The following LCORL variants were observed in gnomAD, a reference collection of about 807,000 sequenced individuals.
The protein encoded by LCORL is ligand-dependent nuclear receptor corepressor-like protein.
LCORL carries 41 observed loss-of-function variants against 141.8 expected under a neutral mutation model. That is an observed-to-expected ratio of 0.29 (90% confidence interval 0.23 to 0.38). LCORL has a LOEUF of 0.38. Ranked by LOEUF, LCORL falls within the 10% of genes least tolerant of loss-of-function variation. The pLI, the probability that LCORL is intolerant of heterozygous loss-of-function variation, is 1.00. For synonymous variants in LCORL, 618 were observed against 694.1 expected, an observed-to-expected ratio of 0.89 and a Z score of 1.72; for missense variants, 1,759 against 2,035.0, an observed-to-expected ratio of 0.86 and a Z score of 2.61.
intron 4 of LCORL, chr4:17,912,343 C>T (rs1200451690): frequency 3.0e-6 from 2 of 671,908 alleles, no homozygotes; most frequent in Non-Finnish European, 5.6e-6. Context: ...CATGAAGAAC[C>T]ATGAAGAGGA....
At chr4:17,874,938 A>G (rs1726755419) in exon 7 of LCORL, 6 of 1,233,746 alleles carry the variant, frequency 4.9e-6, no homozygotes, top group African/African-American at 3.1e-5. Flanking sequence ...GTTTCTATAA[A>G]TAAGTGAGCT....
At chr4:17,885,293 A>C (rs745420729) in intron 6 of LCORL, among the ~76,000 whole-genome samples, 11 of 151,994 alleles carry the variant, frequency 7.2e-5, no homozygotes, top group Non-Finnish European at 1.5e-4. Context: ...AGTAGATGTT[A>C]TATTTGAATA....
At chr4:17,898,563 A>G (rs1306787372) in intron 5 of LCORL, among the ~76,000 whole-genome samples, 3 of 151,794 alleles carry the variant, frequency 2.0e-5, no homozygotes, top group African/African-American at 7.3e-5. Context: ...TACACAAAAG[A>G]GAGCATGTAA....
intron 2 of LCORL, among the ~76,000 whole-genome samples, chr4:17,969,341 A>G (rs1357948146): frequency 6.6e-6 from 1 of 152,196 alleles, no homozygotes; most frequent in Non-Finnish European, 1.5e-5. Context: ...CTAACAAATT[A>G]AAAATAAGCA....
At chr4:17,874,741 T>A in exon 7 of LCORL, 1 of 1,233,936 alleles carries the variant, frequency 8.1e-7, no homozygotes, top group Non-Finnish European at 1.0e-6. Context: ...TTTGATGAAA[T>A]TATAGGATCC....
At chr4:18,020,895 G>A (rs1725426515) in intron 1 of LCORL, among the ~76,000 whole-genome samples, 1 of 152,186 alleles carries the variant, frequency 6.6e-6, no homozygotes, top group Admixed American at 6.5e-5. Context: ...TCCAAAGAGG[G>A]AGGAAGAACT....
chr4:17,971,789 A>T (rs936273756), intron 2 of LCORL, among the ~76,000 whole-genome samples: 27 of 151,784 alleles, frequency 1.8e-4, no homozygotes, highest in African/African-American at 6.3e-4. Flanking sequence ...AATGATAATT[A>T]AAAAATTTAT....
intron 5 of LCORL, among the ~76,000 whole-genome samples, chr4:17,890,080 T>C (rs1728866413): frequency 6.6e-6 from 1 of 152,076 alleles, no homozygotes; most frequent in Non-Finnish European, 1.5e-5. Flanking sequence ...CCCATTTATT[T>C]ACTGTTGGTA....
chr4:17,891,131 A>C (rs1729010531), intron 5 of LCORL, among the ~76,000 whole-genome samples: 1 of 152,168 alleles, frequency 6.6e-6, no homozygotes, highest in African/African-American at 2.4e-5. Flanking sequence ...AGTGTACTTA[A>C]AGTGTGCGAA....
chr4:17,951,389 C>T (rs962462835), intron 4 of LCORL, among the ~76,000 whole-genome samples: 5 of 152,146 alleles, frequency 3.3e-5, no homozygotes, highest in Non-Finnish European at 7.4e-5. Context: ...GAAAAACAAA[C>T]ATTCTATAAA....
chr4:17,885,373 GA>G (rs1289659064), intron 6 of LCORL, among the ~76,000 whole-genome samples: 1 of 151,822 alleles, frequency 6.6e-6, no homozygotes, highest in African/African-American at 2.4e-5. Context: ...TTCTCAAACA[GA>G]AAGCTTACTA....
At chr4:17,952,164 A>AT (rs1231962819) in intron 4 of LCORL, among the ~76,000 whole-genome samples, 2 of 152,306 alleles carry the variant, frequency 1.3e-5, no homozygotes, top group East Asian at 3.9e-4. Flanking sequence ...AATATAGGCT[A>AT]ATTTTACTGA....
chr4:17,981,979 TACA>T (rs1718068041), intron 1 of LCORL, among the ~76,000 whole-genome samples: 1 of 152,078 alleles, frequency 6.6e-6, no homozygotes, highest in Non-Finnish European at 1.5e-5. Context: ...TATGGTAGAA[TACA>T]TGGTATTTGA....
chr4:18,005,729 A>G (rs376010172), intron 1 of LCORL, among the ~76,000 whole-genome samples: 1 of 152,306 alleles, frequency 6.6e-6, no homozygotes, highest in East Asian at 1.9e-4. Flanking sequence ...CCCGAGCTCT[A>G]TGTTGGCCCC....
At chr4:17,874,012 A>C (rs1204775570) in exon 7 of LCORL, 2 of 1,233,992 alleles carry the variant, frequency 1.6e-6, no homozygotes, top group Non-Finnish European at 2.0e-6. Context: ...GGCAAAACAC[A>C]CTGATTATCT....
intron 4 of LCORL, among the ~76,000 whole-genome samples, chr4:17,922,327 C>T (rs571674973): frequency 6.6e-6 from 1 of 152,266 alleles, no homozygotes; most frequent in Non-Finnish European, 1.5e-5. Flanking sequence ...ATGGAGAACA[C>T]TGATAGTCCT....
At chr4:17,852,537 G>C (rs939941102) in intron 7 of LCORL, among the ~76,000 whole-genome samples, 1 of 152,122 alleles carries the variant, frequency 6.6e-6, no homozygotes, top group African/African-American at 2.4e-5. Context: ...GGTGAAAAGA[G>C]AAAGAAGTGG....
intron 5 of LCORL, among the ~76,000 whole-genome samples, chr4:17,887,815 C>A (rs1215336765): frequency 2.6e-5 from 4 of 152,130 alleles, no homozygotes; most frequent in Non-Finnish European, 5.9e-5. Flanking sequence ...GGGAAACCTG[C>A]TGGGAAAGTG....
chr4:17,910,071 G>T (rs1456892378), intron 4 of LCORL, among the ~76,000 whole-genome samples: 1 of 152,142 alleles, frequency 6.6e-6, no homozygotes, highest in African/African-American at 2.4e-5. Flanking sequence ...TCTGTAAAAT[G>T]AGAATATCAC....
Sources: allele counts gnomAD v4.1 joint callset (sites outside exome capture counted in the v4.1 genomes callset), GRCh38; gene constraint gnomAD v4.1.1; transcripts MANE v1.5; gene names NCBI Gene and HGNC (gene_info 2026-07-23, HGNC 2026-07-21).